The following TMED3 variants were observed in gnomAD, a reference collection of about 807,000 sequenced individuals.
TMED3 encodes the protein transmembrane emp24 domain-containing protein 3.
In TMED3, 9 loss-of-function variants were observed where a neutral mutation model predicts 15.0. The observed-to-expected ratio is 0.60, with a 90% CI of 0.36 to 1.04. TMED3 has a LOEUF of 1.04. Ranked by LOEUF, TMED3 falls within the 50% of genes least tolerant of loss-of-function variation. TMED3 has a pLI of 0.01. For missense variants in TMED3, 267 were observed against 278.9 expected (o/e 0.96, Z 0.30); for synonymous variants, 117 against 121.4 (o/e 0.96, Z 0.24).
At chr15:79,364,958 G>A (rs753830423) in intron 2 of TMED3, among the ~76,000 whole-genome samples, 6 of 152,254 alleles carry the variant, frequency 3.9e-5, no homozygotes, top group Non-Finnish European at 5.9e-5. Context: ...AAGGCAGAGG[G>A]TCCATTGAAC....
intron 2 of TMED3, among the ~76,000 whole-genome samples, chr15:79,349,841 A>G (rs2058885277): frequency 6.6e-6 from 1 of 152,140 alleles, no homozygotes; most frequent in Admixed American, 6.5e-5. Context: ...CCATCTTTCA[A>G]CATCCTCCTA....
chr15:79,325,238 T>A (rs1372440415), downstream of TMED3, among the ~76,000 whole-genome samples: 1 of 152,192 alleles, frequency 6.6e-6, no homozygotes, highest in East Asian at 1.9e-4. Flanking sequence ...TGCGATGAGA[T>A]TCCCCCATAA....
chr15:79,354,912 A>G (rs929306994), intron 2 of TMED3, among the ~76,000 whole-genome samples: 3 of 152,162 alleles, frequency 2.0e-5, no homozygotes, highest in African/African-American at 7.2e-5. Flanking sequence ...AAGCATCATC[A>G]GGCATGACCT....
At chr15:79,312,918 C>G (rs1158349565) in intron 1 of TMED3, among the ~76,000 whole-genome samples, 1 of 152,168 alleles carries the variant, frequency 6.6e-6, no homozygotes, top group African/African-American at 2.4e-5. Context: ...CATGCATGCT[C>G]TAGGGTGGCC....
intron 2 of TMED3, among the ~76,000 whole-genome samples, chr15:79,365,373 A>G (rs903242008): frequency 2.0e-5 from 3 of 152,248 alleles, no homozygotes; most frequent in African/African-American, 7.2e-5. Flanking sequence ...CTCAGGAAGA[A>G]ATTTAGAACA....
chr15:79,331,758 C>T (rs1276029897), intron 2 of TMED3, among the ~76,000 whole-genome samples: 1 of 151,938 alleles, frequency 6.6e-6, no homozygotes, highest in Non-Finnish European at 1.5e-5. Context: ...GAATATTTCT[C>T]AAAAGAAGAC....
intron 2 of TMED3, among the ~76,000 whole-genome samples, chr15:79,374,128 C>A (rs1363991418): frequency 6.6e-6 from 1 of 152,158 alleles, no homozygotes; most frequent in African/African-American, 2.4e-5. Flanking sequence ...CCCAGTGGCC[C>A]TGTAACGTTG....
At chr15:79,331,542 CAAAA>C (rs71451761) in intron 2 of TMED3, among the ~76,000 whole-genome samples, 36 of 89,252 alleles carry the variant, frequency 4.0e-4, no homozygotes, top group South Asian at 1.2e-3. Context: ...GCAAAAGAAG[CAAAA>C]AAAAAAAAAA....
At chr15:79,336,146 G>A (rs752988018) in intron 2 of TMED3, among the ~76,000 whole-genome samples, 3 of 152,224 alleles carry the variant, frequency 2.0e-5, no homozygotes, top group Non-Finnish European at 4.4e-5. Context: ...GATAAGGGTG[G>A]CAGCTGAAGT....
chr15:79,332,176 G>A (rs1215834369), intron 2 of TMED3, among the ~76,000 whole-genome samples: 3 of 152,230 alleles, frequency 2.0e-5, no homozygotes, highest in Non-Finnish European at 2.9e-5. Flanking sequence ...GCAAACTATC[G>A]TACTGAACAG....
At chr15:79,369,233 G>T (rs1263639654) in intron 2 of TMED3, among the ~76,000 whole-genome samples, 1 of 152,014 alleles carries the variant, frequency 6.6e-6, no homozygotes, top group African/African-American at 2.4e-5. Context: ...ATAAACAAAA[G>T]CATGCCCACT....
chr15:79,311,881 A>G (rs780779155), intron 1 of TMED3, among the ~76,000 whole-genome samples: 1 of 152,128 alleles, frequency 6.6e-6, no homozygotes, highest in Non-Finnish European at 1.5e-5. Flanking sequence ...TTAAAGTTGG[A>G]GTGAGGTGAG....
intron 2 of TMED3, among the ~76,000 whole-genome samples, chr15:79,410,213 T>C (rs767632442): frequency 4.6e-5 from 7 of 152,372 alleles, no homozygotes; most frequent in Non-Finnish European, 7.3e-5. Flanking sequence ...GTGTTCCCTT[T>C]CTTTATCAGC....
At chr15:79,409,406 A>G (rs189297806) in intron 2 of TMED3, among the ~76,000 whole-genome samples, 1 of 152,322 alleles carries the variant, frequency 6.6e-6, no homozygotes, top group East Asian at 1.9e-4. Flanking sequence ...TGCCCCAGAT[A>G]TAGGCAGGGG....
chr15:79,400,740 TG>T (rs1405602661), intron 2 of TMED3, among the ~76,000 whole-genome samples: 1 of 152,212 alleles, frequency 6.6e-6, no homozygotes, highest in Non-Finnish European at 1.5e-5. Context: ...TTGTCATCAT[TG>T]TAAGTACTGG....
At chr15:79,376,446 C>T (rs747981468) in intron 2 of TMED3, among the ~76,000 whole-genome samples, 2 of 152,136 alleles carry the variant, frequency 1.3e-5, no homozygotes, top group African/African-American at 2.4e-5. Flanking sequence ...CAACCCCAGT[C>T]CCACCCCACT....
Position 79,322,662 on chromosome 15 carries a change from T to C in TMED3, c.*448T>C. ...TGGCTCTTCTTTCTTTGGGGTTCTC[T>C]GTACCTGAGGAAACCAGGCCCTGGG... On this transcript the variant is annotated 3_prime_UTR_variant, in exon 3 of 3. Transcript: ENST00000299705. 1 of 989,400 alleles carries C rather than the reference T, an allele frequency of 1.0e-6. No individual in the cohort carries two copies. 61.3% of individuals were successfully genotyped at this position (989,400 alleles called of 1,614,324 possible).
At chr15:79,387,342 A>G (rs1300185643) in intron 2 of TMED3, among the ~76,000 whole-genome samples, 4 of 152,296 alleles carry the variant, frequency 2.6e-5, no homozygotes, top group Non-Finnish European at 4.4e-5. Flanking sequence ...TATATTTGTC[A>G]TGAATCAAAT....
chr15:79,383,629 A>G (rs12901908), intron 2 of TMED3: 20,128 of 152,332 alleles, frequency 0.13, 1,427 homozygotes, highest in East Asian at 0.2. Flanking sequence ...CCAACTAGGG[A>G]AGTTCACTTG....
Sources: allele counts gnomAD v4.1 joint callset (sites outside exome capture counted in the v4.1 genomes callset), GRCh38; gene constraint gnomAD v4.1.1; transcripts MANE v1.5; gene names NCBI Gene and HGNC (gene_info 2026-07-23, HGNC 2026-07-21).